The following DOCK4 variants were observed in gnomAD, a reference collection of about 807,000 sequenced individuals.
The protein encoded by DOCK4 is dedicator of cytokinesis protein 4.
A neutral mutation model predicts 268.1 loss-of-function variants in DOCK4; 97 were observed. That is an observed-to-expected ratio of 0.36 (90% CI 0.31 to 0.43). DOCK4 has a LOEUF of 0.43. DOCK4 is among the 20% of genes least tolerant of loss of function. The pLI, the probability that DOCK4 is intolerant of heterozygous loss-of-function variation, is 1.00. For synonymous variants in DOCK4, 954 were observed against 887.2 expected (o/e 1.08, Z -1.34); for missense variants, 2,145 against 2,455.7 (o/e 0.87, Z 2.67).
chr7:112,022,473 G>A (rs1802408881), intron 1 of DOCK4, among the ~76,000 whole-genome samples: 1 of 152,228 alleles, frequency 6.6e-6, no homozygotes, highest in Admixed American at 6.5e-5. Context: ...GCACAGAGTA[G>A]CGGTGAGGAG....
intron 1 of DOCK4, among the ~76,000 whole-genome samples, chr7:112,171,068 A>G (rs917881425): frequency 1.2e-4 from 18 of 152,208 alleles, no homozygotes; most frequent in African/African-American, 1.7e-4. Flanking sequence ...CCAGGACACA[A>G]TAAGTATTTC....
Position 111,739,668 on chromosome 7 carries a change from T to C in DOCK4, c.5041-191A>G. On this transcript the variant is annotated intron_variant, in intron 47 of 52. Coordinates refer to ENST00000428084, the MANE Select transcript of DOCK4 (RefSeq NM_001363540.2). Reference sequence around the variant, plus strand: ...TTAATGAAAAGTCTGAGATTTTGACTCCTGCCAAAGGAATGCCTTCGTGTT... The same window carrying C: ...TTAATGAAAAGTCTGAGATTTTGACCCCTGCCAAAGGAATGCCTTCGTGTT... The C allele has an allele frequency of 4.4e-5, 26 of 592,626 alleles. No homozygotes were observed. The South Asian group carries it at 5.1e-4, about 12-fold the overall frequency. 36.7% of individuals were successfully genotyped at this position (592,626 alleles called of 1,614,324 possible).
intron 1 of DOCK4, among the ~76,000 whole-genome samples, chr7:112,138,039 C>T (rs779393501): frequency 9.9e-5 from 15 of 152,198 alleles, no homozygotes; most frequent in Middle Eastern, 3.2e-3. Flanking sequence ...CTACAATCAT[C>T]TCCCATATGA....
intron 49 of DOCK4, 90 bp from the exon 50 acceptor site, chr7:111,737,079 C>T (rs763945143): frequency 4.3e-6 from 5 of 1,172,090 alleles, no homozygotes; most frequent in Non-Finnish European, 6.1e-6. Context: ...CTCAGTAAAA[C>T]TTTTTGTTCA....
intron 23 of DOCK4, among the ~76,000 whole-genome samples, chr7:111,858,175 T>G (rs947135913): frequency 2.7e-4 from 41 of 152,168 alleles, no homozygotes; most frequent in Admixed American, 2.2e-3. Context: ...CAGACAACAT[T>G]TCATTCCCTT....
intron 16 of DOCK4, among the ~76,000 whole-genome samples, chr7:111,886,079 A>T (rs1807814677): frequency 2.0e-5 from 3 of 152,162 alleles, no homozygotes; most frequent in Non-Finnish European, 4.4e-5. Flanking sequence ...AAGATATATG[A>T]TTGAGAGATC....
intron 1 of DOCK4, among the ~76,000 whole-genome samples, chr7:112,110,881 G>T (rs73434698): frequency 0.025 from 3,874 of 152,204 alleles, 150 homozygotes; most frequent in African/African-American, 0.086. Context: ...CGCTCCCCAC[G>T]GAAATGTGCG....
At chr7:112,202,309 T>C (rs1821014016) in intron 1 of DOCK4, among the ~76,000 whole-genome samples, 2 of 152,320 alleles carry the variant, frequency 1.3e-5, no homozygotes, top group South Asian at 4.1e-4. Context: ...CCCACTAACA[T>C]GTGCACAGCG....
At chr7:111,784,189 C>A (rs1585976445) in intron 32 of DOCK4, 66 bp from the exon 33 acceptor site, 2 of 1,471,186 alleles carry the variant, frequency 1.4e-6, no homozygotes. Context: ...AATACAAACA[C>A]ATGCATATAA....
intron 1 of DOCK4, among the ~76,000 whole-genome samples, chr7:112,036,929 G>A (rs1403754110): frequency 6.6e-6 from 1 of 152,142 alleles, no homozygotes; most frequent in Non-Finnish European, 1.5e-5. Context: ...CCATAGTGCT[G>A]GGATTACAAG....
chr7:112,087,816 G>A (rs1386128611), intron 1 of DOCK4, among the ~76,000 whole-genome samples: 1 of 152,012 alleles, frequency 6.6e-6, no homozygotes, highest in African/African-American at 2.4e-5. Context: ...GGGACCATTT[G>A]TCAATTATGG....
intron 26 of DOCK4, among the ~76,000 whole-genome samples, chr7:111,823,204 CTTTTTT>C (rs917904625): frequency 4.3e-5 from 5 of 116,282 alleles, no homozygotes; most frequent in Admixed American, 9.3e-5. Flanking sequence ...GGAAATATTA[CTTTTTT>C]TTTTTTTTTT....
intron 1 of DOCK4, among the ~76,000 whole-genome samples, chr7:112,153,640 T>C (rs1332035052): frequency 6.6e-6 from 1 of 152,200 alleles, no homozygotes; most frequent in Non-Finnish European, 1.5e-5. Flanking sequence ...CTAAGCCATA[T>C]TATGGGTTAA....
At position 111,901,931 on chromosome 7, in the gene DOCK4, C is replaced by A. The variant is rs1791185071; in HGVS notation, c.1193-130G>T. ...ACATATAAAAGTACAAATATATTTG[C>A]ATTTTTATAAAAGTGTCCTCACCCT... is the stretch of plus-strand genomic sequence containing the variant. On this transcript the variant is annotated intron_variant, in intron 13 of 52. Coordinates refer to ENST00000428084, the MANE Select transcript of DOCK4 (RefSeq NM_001363540.2). 4 of 675,430 alleles carry A rather than the reference C, an allele frequency of 5.9e-6. No individual in the cohort carries two copies. In the Admixed American group the frequency reaches 1.3e-4, roughly 22 times the overall value. The allele number at this position is 675,430 out of a possible 1,614,324, so 41.8% of individuals were successfully genotyped here.
intron 1 of DOCK4, among the ~76,000 whole-genome samples, chr7:112,119,378 C>A (rs1408360049): frequency 6.6e-6 from 1 of 151,804 alleles, no homozygotes; most frequent in Admixed American, 6.6e-5. Flanking sequence ...CAAATATGTC[C>A]AGGGCAAGAC....
At chr7:112,188,595 C>G (rs1014171021) in intron 1 of DOCK4, among the ~76,000 whole-genome samples, 1 of 152,190 alleles carries the variant, frequency 6.6e-6, no homozygotes, top group Admixed American at 6.5e-5. Flanking sequence ...GTCTGGAACA[C>G]GCAATAATTC....
At position 112,060,177 on chromosome 7, in the gene DOCK4, G is replaced by T. The variant is rs555678238; in HGVS notation, c.38-56046C>A. Among the ~76,000 whole-genome samples, 16 of 152,174 alleles carry T rather than the reference G, an allele frequency of 1.1e-4. No individual in the cohort carries two copies. The South Asian group carries it at 3.3e-3, about 32-fold the overall frequency. On this transcript the variant is annotated intron_variant, in intron 1 of 52. Coordinates refer to ENST00000428084, the MANE Select transcript of DOCK4 (RefSeq NM_001363540.2). ...TAAGCTTTCATCTTTGATTTTTTAA[G>T]ACATTTAAAGGTCAAAAGCAAAATC...
intron 38 of DOCK4, 74 bp from the exon 39 acceptor site, chr7:111,765,296 CT>C (rs1563473078): frequency 1.1e-6 from 1 of 887,760 alleles, no homozygotes; most frequent in Non-Finnish European, 1.7e-6. Context: ...AATAAGATTT[CT>C]TTTTTACATA....
At chr7:111,790,349 C>T (rs1204595157) in intron 31 of DOCK4, 108 bp downstream of exon 31, 1 of 1,359,022 alleles carries the variant, frequency 7.4e-7, no homozygotes, top group Non-Finnish European at 1.0e-6. Context: ...GAATCTAGGT[C>T]TGCTGACCCA....
Sources: allele counts gnomAD v4.1 joint callset (sites outside exome capture counted in the v4.1 genomes callset), GRCh38; gene constraint gnomAD v4.1.1; transcripts MANE v1.5; gene names NCBI Gene and HGNC (gene_info 2026-07-23, HGNC 2026-07-21).